LOC400499: variants seen among roughly 807,000 people sequenced by gnomAD.
the LOC400499 span, among the ~76,000 whole-genome samples, chr16:11,467,420 G>A: frequency 1.3e-5 from 2 of 151,538 alleles, no homozygotes; most frequent in Non-Finnish European, 2.9e-5. Context: ...GACCAGCCTG[G>A]GCAACATAGT....
At chr16:11,393,704 G>T in the LOC400499 span, 6 of 586,230 alleles carry the variant, frequency 1.0e-5, no homozygotes, top group African/African-American at 7.7e-5. Flanking sequence ...CAATGCCCAC[G>T]CCCGATCTCC....
the LOC400499 span, chr16:11,478,742 T>C: frequency 2.5e-6 from 1 of 398,692 alleles, no homozygotes; most frequent in African/African-American, 2.1e-5. Context: ...CAGAGTGATA[T>C]GGTTTGGCTG....
At chr16:11,499,875 G>A in the LOC400499 span, among the ~76,000 whole-genome samples, 1 of 152,216 alleles carries the variant, frequency 6.6e-6, no homozygotes, top group African/African-American at 2.4e-5. Context: ...GGTCAGAATT[G>A]AGGTGAAGGG....
At chr16:11,425,420 G>C in the LOC400499 span, 2 of 399,142 alleles carry the variant, frequency 5.0e-6, no homozygotes, top group Non-Finnish European at 8.8e-6. Context: ...AGTCAGCAGT[G>C]ACACTGAGGG....
At chr16:11,389,475 A>G in the LOC400499 span, among the ~76,000 whole-genome samples, 1 of 152,162 alleles carries the variant, frequency 6.6e-6, no homozygotes, top group Non-Finnish European at 1.5e-5. Flanking sequence ...TAAGGTCAGG[A>G]GTTTGAGACC....
chr16:11,509,961 G>T, the LOC400499 span, among the ~76,000 whole-genome samples: 4 of 146,500 alleles, frequency 2.7e-5, no homozygotes, highest in Non-Finnish European at 6.0e-5. Flanking sequence ...TCTGGAGAGG[G>T]GGGACTCATT....
chr16:11,472,728 TC>T, the LOC400499 span: 1 of 152,348 alleles, frequency 6.6e-6, no homozygotes, highest in South Asian at 2.1e-4. Flanking sequence ...TGATAATAGT[TC>T]CTGCCTCATG....
the LOC400499 span, among the ~76,000 whole-genome samples, chr16:11,510,567 A>C: frequency 6.6e-6 from 1 of 151,578 alleles, no homozygotes; most frequent in Non-Finnish European, 1.5e-5. Flanking sequence ...GTCTCAAGCC[A>C]CCTTGACTAG....
At chr16:11,375,795 T>C in the LOC400499 span, among the ~76,000 whole-genome samples, 6 of 143,218 alleles carry the variant, frequency 4.2e-5, no homozygotes, top group African/African-American at 1.6e-4. Context: ...AATGGTGCAA[T>C]CTCGGCTCAC....
the LOC400499 span, among the ~76,000 whole-genome samples, chr16:11,468,841 G>T: frequency 6.6e-6 from 1 of 152,078 alleles, no homozygotes; most frequent in Non-Finnish European, 1.5e-5. Context: ...TGGCCAGGCT[G>T]GTCTCGAACT....
chr16:11,423,077 C>A, the LOC400499 span: 1 of 398,696 alleles, frequency 2.5e-6, no homozygotes. Context: ...AACTCAGCTC[C>A]GGGCCACACC....
At chr16:11,474,805 G>C in the LOC400499 span, among the ~76,000 whole-genome samples, 190 of 152,274 alleles carry the variant, frequency 1.2e-3, 2 homozygotes, top group Non-Finnish European at 1.5e-3. Context: ...GGGAGATGGA[G>C]GCTGCAGTGA....
the LOC400499 span, among the ~76,000 whole-genome samples, chr16:11,438,453 G>A: frequency 1.3e-5 from 2 of 151,892 alleles, no homozygotes; most frequent in South Asian, 2.1e-4. Context: ...CAATACACAG[G>A]GAATGAACAG....
chr16:11,447,048 A>G, the LOC400499 span: 1 of 1,032,932 alleles, frequency 9.7e-7, no homozygotes, highest in Non-Finnish European at 1.4e-6. Flanking sequence ...AGAGAACATC[A>G]GGACACCTGG....
the LOC400499 span, chr16:11,523,313 G>T: frequency 2.5e-6 from 1 of 398,188 alleles, no homozygotes; most frequent in Non-Finnish European, 4.4e-6. Flanking sequence ...GGCCCTCTGG[G>T]GCTGTCTCTA....
the LOC400499 span, chr16:11,478,564 AG>A: frequency 7.5e-6 from 3 of 398,950 alleles, no homozygotes; most frequent in Non-Finnish European, 1.3e-5. Context: ...GGCCAAGTTA[AG>A]GGGCCAGTGG....
the LOC400499 span, among the ~76,000 whole-genome samples, chr16:11,485,661 T>C: frequency 1.3e-5 from 2 of 152,218 alleles, no homozygotes; most frequent in South Asian, 2.1e-4. Flanking sequence ...CTTTGTTCTA[T>C]CCATCCTTAT....
the LOC400499 span, chr16:11,384,420 C>T: frequency 3.4e-6 from 2 of 592,920 alleles, no homozygotes; most frequent in Non-Finnish European, 5.0e-6. Flanking sequence ...GTGAGATGAG[C>T]CTGAAGCACA....
the LOC400499 span, chr16:11,462,218 C>A: frequency 6.5e-7 from 1 of 1,534,304 alleles, no homozygotes; most frequent in Admixed American, 2.0e-5. Context: ...GACGACGGGG[C>A]TGCCCCCCGT....
Sources: gnomAD v4.1 joint callset for allele counts (sites outside exome capture counted in the v4.1 genomes callset) on GRCh38, gnomAD v4.1.1 for gene constraint, MANE v1.5 for transcripts.